Variants in PDE4D observed in about 807,000 individuals in gnomAD.
The protein encoded by PDE4D is 3',5'-cyclic-AMP phosphodiesterase 4D.
A neutral mutation model predicts 87.4 loss-of-function variants in PDE4D; 24 were observed. That is an observed-to-expected ratio of 0.27 (90% confidence interval 0.20 to 0.39). The LOEUF (loss-of-function observed/expected upper bound fraction) is 0.39, where lower values mean the gene tolerates loss of function less well. Ranked by LOEUF, PDE4D falls within the 10% of genes least tolerant of loss-of-function variation. PDE4D has a pLI of 1.00. For synonymous variants in PDE4D, 384 were observed against 383.2 expected (o/e 1.00, Z -0.02); for missense variants, 714 against 1,041.0 (o/e 0.69, Z 4.32).
intron 2 of PDE4D, among the ~76,000 whole-genome samples, chr5:60,099,232 C>A (rs1387700581): frequency 6.6e-6 from 1 of 151,908 alleles, no homozygotes; most frequent in African/African-American, 2.4e-5. Context: ...TCAGAATTCT[C>A]ACTTTGTCTT....
In PDE4D at chr5:58,973,756, G is replaced by GGAAA. The variant is rs1366973062; in HGVS notation, c.*904_*907dup. The GGAAA allele has an allele frequency of 6.6e-6, 1 of 152,084 alleles. No homozygotes were observed. Among genetic ancestry groups the GGAAA allele is most frequent in the Non-Finnish European group, 1.5e-5 (1 of 67,934 alleles). 9.4% of individuals were successfully genotyped at this position (152,084 alleles called of 1,614,324 possible). On this transcript the variant is annotated 3_prime_UTR_variant, in exon 15 of 15. Transcript: ENST00000340635. ...TGGTGAAGAGCAACTCTGCTTATCT[G>GGAAA]GAAAGAGTGAAACAAAATGCAAAGT...
intron 1 of PDE4D, among the ~76,000 whole-genome samples, chr5:59,648,522 T>C (rs769100970): frequency 1.1e-4 from 17 of 152,164 alleles, no homozygotes; most frequent in Non-Finnish European, 1.2e-4. Flanking sequence ...TAATTATTAA[T>C]TTAAAGGTTA....
intron 1 of PDE4D, among the ~76,000 whole-genome samples, chr5:60,211,593 TTTATA>T (rs1403578208): frequency 6.6e-6 from 1 of 150,408 alleles, no homozygotes; most frequent in African/African-American, 2.4e-5. Context: ...TATATTTTTA[TTTATA>T]TTATATGAAT....
At chr5:59,166,038 C>A (rs1244515872) in intron 5 of PDE4D, among the ~76,000 whole-genome samples, 1 of 152,184 alleles carries the variant, frequency 6.6e-6, no homozygotes, top group Admixed American at 6.5e-5. Flanking sequence ...TGTCGCCCCA[C>A]TAATTCTCAG....
intron 2 of PDE4D, among the ~76,000 whole-genome samples, chr5:60,085,550 T>C (rs1451065032): frequency 6.6e-6 from 1 of 152,184 alleles, no homozygotes; most frequent in Non-Finnish European, 1.5e-5. Flanking sequence ...CTCTTTTCTA[T>C]GGGAGGTTGT....
intron 5 of PDE4D, among the ~76,000 whole-genome samples, chr5:59,062,476 T>C (rs1206292371): frequency 6.6e-6 from 1 of 152,102 alleles, no homozygotes; most frequent in African/African-American, 2.4e-5. Context: ...TGCTATAAAA[T>C]TCAAAGGCAA....
intron 1 of PDE4D, among the ~76,000 whole-genome samples, chr5:59,225,416 T>C (rs936619926): frequency 1.3e-5 from 2 of 152,182 alleles, no homozygotes; most frequent in Non-Finnish European, 2.9e-5. Context: ...TAGTAATATG[T>C]TTTGAAATCA....
chr5:60,378,904 A>T (rs1761643504), intron 1 of PDE4D, among the ~76,000 whole-genome samples: 1 of 152,146 alleles, frequency 6.6e-6, no homozygotes, highest in African/African-American at 2.4e-5. Context: ...AGAGAAAGAA[A>T]GAAAGAAAGA....
chr5:59,216,951 T>C (rs1751394611), intron 1 of PDE4D: 1 of 213,352 alleles, frequency 4.7e-6, no homozygotes. Context: ...CATTCCTAGA[T>C]TGTGAGCTCT....
chr5:60,001,241 G>A (rs1763984937), intron 2 of PDE4D, among the ~76,000 whole-genome samples: 3 of 152,134 alleles, frequency 2.0e-5, no homozygotes, highest in African/African-American at 7.2e-5. Context: ...GGAAGAGAAG[G>A]TTGTTAAAAT....
intron 2 of PDE4D, among the ~76,000 whole-genome samples, chr5:60,101,983 A>C (rs1026405056): frequency 6.6e-6 from 1 of 152,178 alleles, no homozygotes; most frequent in Non-Finnish European, 1.5e-5. Flanking sequence ...AATTCTTTAA[A>C]ATATACATAG....
At chr5:60,088,433 G>T (rs947074428) in intron 2 of PDE4D, among the ~76,000 whole-genome samples, 3 of 151,848 alleles carry the variant, frequency 2.0e-5, no homozygotes, top group Admixed American at 1.3e-4. Flanking sequence ...AAAGCTAAAA[G>T]GAAGAACTAT....
chr5:59,822,476 A>T (rs2152689764), intron 1 of PDE4D, among the ~76,000 whole-genome samples: 1 of 152,264 alleles, frequency 6.6e-6, no homozygotes, highest in Admixed American at 6.5e-5. Context: ...ATTTTATGTA[A>T]CTTCCCCTTT....
At chr5:60,006,709 T>G (rs538606867) in intron 2 of PDE4D, among the ~76,000 whole-genome samples, 7 of 152,160 alleles carry the variant, frequency 4.6e-5, no homozygotes, top group Admixed American at 3.9e-4. Flanking sequence ...TGTTCTGTGC[T>G]GTAAACATGA....
chr5:59,347,985 T>G (rs1779881139), intron 1 of PDE4D, among the ~76,000 whole-genome samples: 1 of 152,110 alleles, frequency 6.6e-6, no homozygotes, highest in Admixed American at 6.6e-5. Flanking sequence ...ACCTCTCATC[T>G]CAGTCTCTAT....
At chr5:60,330,678 C>T (rs1464678524) in intron 1 of PDE4D, among the ~76,000 whole-genome samples, 1 of 152,222 alleles carries the variant, frequency 6.6e-6, no homozygotes, top group Non-Finnish European at 1.5e-5. Context: ...CACCTTAATA[C>T]TCAGAGTTTG....
At chr5:59,278,214 A>T (rs1765183622) in intron 1 of PDE4D, among the ~76,000 whole-genome samples, 1 of 152,096 alleles carries the variant, frequency 6.6e-6, no homozygotes, top group Non-Finnish European at 1.5e-5. Context: ...TTCTGAAAGA[A>T]TGTTTTGTTA....
chr5:60,104,648 A>G (rs556888502), intron 2 of PDE4D, among the ~76,000 whole-genome samples: 2 of 152,064 alleles, frequency 1.3e-5, no homozygotes, highest in Non-Finnish European at 2.9e-5. Context: ...ACGGCCAAGT[A>G]CTCCTCTGAG....
At chr5:59,728,244 A>C (rs181718059) in intron 1 of PDE4D, among the ~76,000 whole-genome samples, 1 of 152,282 alleles carries the variant, frequency 6.6e-6, no homozygotes, top group East Asian at 1.9e-4. Context: ...GTTCATGGTA[A>C]TATGAACATA....
Sources: allele counts gnomAD v4.1 joint callset (sites outside exome capture counted in the v4.1 genomes callset), GRCh38; gene constraint gnomAD v4.1.1; transcripts MANE v1.5; gene names NCBI Gene and HGNC (gene_info 2026-07-23, HGNC 2026-07-21).